COPS6: variants seen among roughly 807,000 people sequenced by gnomAD.
COPS6 encodes COP9 signalosome subunit 6, also known as COP9 signalosome complex subunit 6.
COPS6 carries 9 observed loss-of-function variants against 41.0 expected under a neutral mutation model. The ratio of observed to expected loss-of-function variants is 0.22; its 90% CI spans 0.13 to 0.38. COPS6 has a LOEUF of 0.38. Among genes scored for constraint, COPS6 ranks in the 10% least tolerant of loss-of-function variants. COPS6 has a pLI of 1.00. For synonymous variants in COPS6, 179 were observed against 162.9 expected (o/e 1.10, Z -0.75); for missense variants, 302 against 436.7 (o/e 0.69, Z 2.75).
In COPS6 at chr7:100,090,476, G is replaced by A. The variant is rs766190524; in HGVS notation, c.412G>A (p.Val138Ile). The change falls in exon 4 of 10, where the codon GTC becomes ATC. Residue 138 changes from valine (V) to isoleucine (I), a missense_variant. This residue lies in a region of COPS6 where 222 missense variants were observed against 309.0 expected (regional missense o/e 0.72). Transcript: ENST00000303904. Reference protein sequence around the residue: ...GGPPDPSDIHVHKQVCEIIES... With the variant: ...GGPPDPSDIHIHKQVCEIIES... ...GCCACCTGACCCCTCGGACATCCAC[G>A]TCCATAAGCAGGTATGCATGCTCAC... The A allele has an allele frequency of 4.6e-5, 74 of 1,613,792 alleles. No homozygotes were observed. The highest frequency in any genetic ancestry group is 2.8e-4 in the Admixed American group (17 of 59,990).
chr7:100,089,370 G>A lies in COPS6; in HGVS notation c.157G>A (p.Asp53Asn). The A allele has an allele frequency of 6.2e-7, 1 of 1,614,058 alleles. No individual in the cohort carries two copies. The highest frequency in any genetic ancestry group is 8.5e-7 in the Non-Finnish European group (1 of 1,180,014). The change falls in exon 2 of 10, where the codon GAC (aspartate) becomes AAC (asparagine). Residue 53 changes from aspartate to asparagine, a missense_variant. Coordinates refer to ENST00000303904, the MANE Select transcript of COPS6 (RefSeq NM_006833.5). ...TCCCCTTGTCATTCTCAACATCTCA[G>A]ACCACTGGATCCGCATGCGCTCCCA... The part of the protein sequence containing the change: ...LHPLVILNIS[D>N]HWIRMRSQEG...
chr7:100,089,691 C>A lies in COPS6; in HGVS notation c.279C>A (p.Thr93=). The A allele has an allele frequency of 2.5e-6, 4 of 1,613,720 alleles. No individual in the cohort carries two copies. The South Asian group carries it at 4.4e-5, about 18-fold the overall frequency. ...VMNSFELLSH[T]VEEKIIIDKE... Reference sequence around the variant, plus strand: ...ACTCCTTTGAGCTGCTGTCCCACACCGTGGAAGAGAAGATTATCATTGACA... The same window carrying A: ...ACTCCTTTGAGCTGCTGTCCCACACAGTGGAAGAGAAGATTATCATTGACA... The change falls in exon 3 of 10, where the codon ACC becomes ACA. Residue 93 remains threonine, a synonymous_variant. Transcript: ENST00000303904.
Position 100,091,396 on chromosome 7 carries a change from T to C in COPS6, c.743-24T>C, listed in dbSNP as rs1020250338. On this transcript the variant is annotated intron_variant, in intron 8 of 9. Transcript: ENST00000303904. This position sits in a 1 kb window ranked among gnomAD's most constrained non-coding sequence, Gnocchi z 4.1. ...GGGGAAGTGACAGCATCCAAACTAATGTAGTCTCTTTTTGTGCCTTTAGGA... is the reference window on the plus strand; with the variant it reads ...GGGGAAGTGACAGCATCCAAACTAACGTAGTCTCTTTTTGTGCCTTTAGGA... The C allele has an allele frequency of 6.2e-6, 10 of 1,612,980 alleles. No individual in the cohort carries two copies. Among genetic ancestry groups the C allele is most frequent in the South Asian group, 3.3e-5 (3 of 91,076 alleles).
At chr7:100,089,255 G>C (rs1373539810) in intron 1 of COPS6, 35 bp from the exon 2 acceptor site, 1 of 1,596,522 alleles carries the variant, frequency 6.3e-7, no homozygotes, top group Non-Finnish European at 8.5e-7. Context: ...GTGGGGCCCG[G>C]ACTCTCACCC....
At chr7:100,090,539 G>A in intron 4 of COPS6, 52 bp downstream of exon 4, 1 of 1,610,032 alleles carries the variant, frequency 6.2e-7, no homozygotes, top group South Asian at 1.1e-5. Flanking sequence ...AGAATGAGGG[G>A]AAGGAGAAAG....
chr7:100,089,835 A>G (rs774061795), intron 3 of COPS6, 89 bp downstream of exon 3: 47 of 1,329,192 alleles, frequency 3.5e-5, no homozygotes, highest in Non-Finnish European at 4.7e-5. Flanking sequence ...GGAAAGAAAC[A>G]GGAGAGGAGA....
At chr7:100,090,230 C>G in intron 3 of COPS6, 169 bp from the exon 4 acceptor site, 2 of 606,324 alleles carry the variant, frequency 3.3e-6, no homozygotes, top group South Asian at 4.0e-5. Context: ...TGCCTGTAGT[C>G]CCAGCTACGC....
chr7:100,090,747 C>G, intron 5 of COPS6, 93 bp downstream of exon 5: 1 of 1,446,888 alleles, frequency 6.9e-7, no homozygotes, highest in Non-Finnish European at 9.7e-7. Flanking sequence ...ATGCCACTTA[C>G]CAGCTGTGAC....
At position 100,090,675 on chromosome 7, in the gene COPS6, ACT is replaced by A. The variant is rs1286983396; in HGVS notation, c.486+24_486+25del. 6 of 1,607,230 alleles carry A rather than the reference ACT, an allele frequency of 3.7e-6. No homozygotes were observed. In the African/African-American group the frequency reaches 5.4e-5, roughly 14 times the overall value. Reference sequence around the variant, plus strand: ...CAGATGTGAGTAATACTCCATGCCTACTCTGTCATGATTGTCGCTATACCTTT... The same window carrying A: ...CAGATGTGAGTAATACTCCATGCCTACTGTCATGATTGTCGCTATACCTTT... On this transcript the variant is annotated intron_variant, in intron 5 of 9. Coordinates refer to ENST00000303904, the MANE Select transcript of COPS6 (RefSeq NM_006833.5).
At position 100,091,948 on chromosome 7, in the gene COPS6, T is replaced by G. The variant is rs374625999; in HGVS notation, c.*159T>G. The G allele has an allele frequency of 1.2e-6, 1 of 858,594 alleles. No individual in the cohort carries two copies. Among genetic ancestry groups the G allele is most frequent in the African/African-American group, 1.7e-5 (1 of 58,454 alleles). The allele number at this position is 858,594 out of a possible 1,614,324, so 53.2% of individuals were successfully genotyped here. A position where few individuals can be genotyped will look rare whatever the true frequency, so the allele number is the denominator to read the frequency against. ...GTCCTCTGTTAGGCACCACACTGGT[T>G]GGTCAACTTGGATGTTCATCGAGGC... On this transcript the variant is annotated 3_prime_UTR_variant, in exon 10 of 10. Transcript: ENST00000303904. The surrounding 1 kb of genome is among the most constrained non-coding windows in gnomAD (Gnocchi z 4.1).
Position 100,089,343 on chromosome 7 carries a change from C to T in COPS6, c.130C>T (p.His44Tyr). 6.2e-7 allele frequency: 1 copy of T among 1,614,132 alleles called. No individual in the cohort carries two copies. The highest frequency in any genetic ancestry group is 8.5e-7 in the Non-Finnish European group (1 of 1,180,016). ...GACTGGGAGTGTTTCCGTCGCTCTC[C>T]ATCCCCTTGTCATTCTCAACATCTC... ...GVTGSVSVAL[H>Y]PLVILNISDH... The change falls in exon 2 of 10, where the codon CAT becomes TAT. Residue 44 changes from histidine to tyrosine, a missense_variant. Physicochemically the swap from His to Tyr is moderately conservative, Grantham distance 83. Transcript: ENST00000303904.
chr7:100,089,499 C>T, intron 2 of COPS6, 84 bp downstream of exon 2: 2 of 1,603,270 alleles, frequency 1.2e-6, no homozygotes, highest in East Asian at 4.5e-5. Flanking sequence ...CTACTGGAGC[C>T]AATTCCCCCT....
chr7:100,089,710 A>G lies in COPS6; in HGVS notation c.298A>G (p.Ile100Val). 6.2e-7 allele frequency: 1 copy of G among 1,614,058 alleles called. No individual in the cohort carries two copies. Among genetic ancestry groups the G allele is most frequent in the Non-Finnish European group, 8.5e-7 (1 of 1,179,956 alleles). The change falls in exon 3 of 10, where the codon ATT becomes GTT. Residue 100 changes from isoleucine (I) to valine (V), a missense_variant. Physicochemically the swap from Ile to Val is conservative, Grantham distance 29. This residue lies in a region of COPS6 where 222 missense variants were observed against 309.0 expected (regional missense o/e 0.72). Transcript: ENST00000303904. Reference sequence around the variant, plus strand: ...CCACACCGTGGAAGAGAAGATTATCATTGACAAGGAATATTATTACACCAA... The same window carrying G: ...CCACACCGTGGAAGAGAAGATTATCGTTGACAAGGAATATTATTACACCAA... ...LSHTVEEKII[I>V]DKEYYYTKEE...
Position 100,091,917 on chromosome 7 carries a change from G to T in COPS6, c.*128G>T. 2 of 1,224,730 alleles carry T rather than the reference G, an allele frequency of 1.6e-6. No homozygotes were observed. Among genetic ancestry groups the T allele is most frequent in the East Asian group, 4.9e-5 (2 of 40,656 alleles). The allele number at this position is 1,224,730 out of a possible 1,614,324, so 75.9% of individuals were successfully genotyped here. ...GCAGCCCCTGAGCACCCCTGCTGGT[G>T]GCTCTGTCCTCTGTTAGGCACCACA... On this transcript the variant is annotated 3_prime_UTR_variant, in exon 10 of 10. Transcript: ENST00000303904. The surrounding 1 kb of genome is among the most constrained non-coding windows in gnomAD (Gnocchi z 4.1).
In COPS6 at chr7:100,089,655, C is replaced by T. The variant is rs1795284227; in HGVS notation, c.243C>T (p.Ile81=). The T allele has an allele frequency of 1.2e-6, 2 of 1,613,306 alleles. No individual in the cohort carries two copies. The highest frequency in any genetic ancestry group is 1.7e-6 in the Non-Finnish European group (2 of 1,179,752). Residue 81 remains isoleucine (I), a synonymous_variant, in exon 3 of 10, where the codon ATC becomes ATT. Transcript: ENST00000303904. The part of the protein sequence containing the change: ...ALIGKQEGRN[I]EVMNSFELLS... ...TTGGCAAGCAGGAGGGCCGAAATATCGAGGTGATGAACTCCTTTGAGCTGC... is the reference window on the plus strand; with the variant it reads ...TTGGCAAGCAGGAGGGCCGAAATATTGAGGTGATGAACTCCTTTGAGCTGC...
At position 100,091,517 on chromosome 7, in the gene COPS6, T is replaced by C; in HGVS notation, c.840T>C (p.Tyr280=). 1 of 1,614,136 alleles carries C rather than the reference T, an allele frequency of 6.2e-7. No individual in the cohort carries two copies. The highest frequency in any genetic ancestry group is 8.5e-7 in the Non-Finnish European group (1 of 1,179,966). The change falls in exon 9 of 10, where the codon TAT becomes TAC. Residue 280 remains tyrosine, a synonymous_variant. Transcript: ENST00000303904. The surrounding 1 kb of genome is among the most constrained non-coding windows in gnomAD (Gnocchi z 4.1). ...CAGACAAGTTCAAGACAGATTTTTA[T>C]GATGTGAGTGTAAAACCCGGATGGG... The part of the protein sequence containing the change: ...LSTDKFKTDF[Y]DQCNDVGLMA...
chr7:100,089,438 A>C (rs764601110), intron 2 of COPS6, 23 bp downstream of exon 2: 3 of 1,613,592 alleles, frequency 1.9e-6, no homozygotes, highest in Admixed American at 1.7e-5. Context: ...CATAGACTCC[A>C]GTCTCTTCTC....
intron 2 of COPS6, 37 bp from the exon 3 acceptor site, chr7:100,089,578 T>TTTACCCTCAA: frequency 1.2e-6 from 2 of 1,606,220 alleles, no homozygotes; most frequent in East Asian, 4.5e-5. Flanking sequence ...TAGAAGTTTC[T>TTTACCCTCAA]TTACCCTCAC....
rs1164637833 is a variant in COPS6 at position 100,089,659 on chromosome 7, G to A, written c.247G>A (p.Val83Met). Reference protein sequence around the residue: ...IGKQEGRNIEVMNSFELLSHT... With the variant: ...IGKQEGRNIEMMNSFELLSHT... ...CAAGCAGGAGGGCCGAAATATCGAG[G>A]TGATGAACTCCTTTGAGCTGCTGTC... The change falls in exon 3 of 10, where the codon GTG becomes ATG. Residue 83 changes from valine (V) to methionine (M), a missense_variant. By Grantham distance (21) the Val-to-Met change is conservative. Around this residue, in one of 3 missense-constraint regions of COPS6, gnomAD observed 4 missense variants for 29.8 expected, o/e 0.13. Transcript: ENST00000303904. 2 of 1,613,718 alleles carry A rather than the reference G, an allele frequency of 1.2e-6. No individual in the cohort carries two copies. The highest frequency in any genetic ancestry group is 3.3e-5 in the Admixed American group (2 of 59,898).
Sources: allele counts gnomAD v4.1 joint callset, GRCh38; gene constraint gnomAD v4.1.1; regional missense constraint gnomAD v4.1.1; non-coding constraint Gnocchi (gnomAD v3.1); transcripts MANE v1.5; gene names NCBI Gene and HGNC (gene_info 2026-07-23, HGNC 2026-07-21).